The following PELI1 variants were observed in gnomAD, a reference collection of about 807,000 sequenced individuals.
PELI1 encodes the protein pellino E3 ubiquitin protein ligase 1.
PELI1 carries 15 observed loss-of-function variants against 41.3 expected under a neutral mutation model. The observed-to-expected ratio is 0.36, with a 90% CI of 0.24 to 0.56. The LOEUF (loss-of-function observed/expected upper bound fraction) is 0.56, where lower values mean the gene tolerates loss of function less well. PELI1 is among the 20% of genes least tolerant of loss of function. The pLI is 0.82. For missense variants in PELI1, 403 were observed against 525.5 expected, an observed-to-expected ratio of 0.77 and a Z score of 2.28; for synonymous variants, 178 against 180.1, an observed-to-expected ratio of 0.99 and a Z score of 0.09.
At chr2:64,096,066 G>C (rs940995326) in intron 6 of PELI1, 59 bp downstream of exon 6, 2 of 1,182,198 alleles carry the variant, frequency 1.7e-6, no homozygotes, top group African/African-American at 3.0e-5. Context: ...AATGCATTCA[G>C]TTCTACTCAT....
At position 64,096,503 on chromosome 2, in the gene PELI1, A is replaced by T. The variant is rs1576067126; in HGVS notation, c.411T>A (p.Phe137Leu). 6.2e-7 allele frequency: 1 copy of T among 1,612,224 alleles called. No homozygotes were observed. Among genetic ancestry groups the T allele is most frequent in the Non-Finnish European group, 8.5e-7 (1 of 1,178,214 alleles). Residue 137 changes from phenylalanine to leucine, a missense_variant, in exon 5 of 7, where the codon TTT (phenylalanine) becomes TTA (leucine). Transcript: ENST00000358912. The part of the protein sequence containing the change: ...TQSVQSTISR[F>L]ACRIICERNP... ...TCCGTTCACATATGATTCTGCAGGCAAATCTTGATATAGTGCTTTGTACTG... is the reference window on the plus strand; with the variant it reads ...TCCGTTCACATATGATTCTGCAGGCTAATCTTGATATAGTGCTTTGTACTG...
chr2:64,110,169 C>T (rs7579814), intron 1 of PELI1, among the ~76,000 whole-genome samples: 2,294 of 146,704 alleles, frequency 0.016, 56 homozygotes, highest in African/African-American at 0.055. Flanking sequence ...CGCTTGAACC[C>T]GGGAGGCAGA....
chr2:64,093,591 C>G lies in PELI1; in HGVS notation c.*1111G>C, dbSNP rs1308400141. The G allele has an allele frequency of 6.6e-6, 1 of 152,656 alleles. No individual in the cohort carries two copies. Among genetic ancestry groups the G allele is most frequent in the Non-Finnish European group, 1.5e-5 (1 of 68,050 alleles). The allele number at this position is 152,656 out of a possible 1,614,324, so 9.5% of individuals were successfully genotyped here. On this transcript the variant is annotated 3_prime_UTR_variant, in exon 7 of 7. Coordinates refer to ENST00000358912, the MANE Select transcript of PELI1 (RefSeq NM_020651.4). ...CTGCCAACCAAACATTTCCTTAAGT[C>G]TCACTGTGGCAATCTCCTTAGGATT... is the stretch of plus-strand genomic sequence containing the variant.
At chr2:64,109,829 T>C (rs935918226) in intron 1 of PELI1, among the ~76,000 whole-genome samples, 2 of 151,294 alleles carry the variant, frequency 1.3e-5, no homozygotes, top group African/African-American at 4.9e-5. Context: ...AGAGAGAAAA[T>C]AGGAAAAACA....
At chr2:64,107,023 G>C (rs1680644638) in intron 2 of PELI1, among the ~76,000 whole-genome samples, 1 of 152,136 alleles carries the variant, frequency 6.6e-6, no homozygotes. Context: ...CCTCCTCCTG[G>C]GTTCAAGTGA....
intron 1 of PELI1, 23 bp from the exon 2 acceptor site, chr2:64,108,402 A>C: frequency 1.3e-6 from 1 of 765,912 alleles, no homozygotes; most frequent in Non-Finnish European, 2.3e-6. Flanking sequence ...AGTTTTCATT[A>C]ATAATGTGAA....
intron 1 of PELI1, among the ~76,000 whole-genome samples, chr2:64,119,019 C>A (rs1172068170): frequency 1.3e-5 from 2 of 150,532 alleles, no homozygotes; most frequent in East Asian, 3.9e-4. Context: ...AGCTTGATTG[C>A]AAAAATATTA....
At position 64,096,240 on chromosome 2, in the gene PELI1, T is replaced by A. The variant is rs781241129; in HGVS notation, c.575A>T (p.His192Leu). ...GTCTTCTGTGAACCCATTGCGTGGA[T>A]GCATCACAAGAACACCATTAGTGGT... Reference protein sequence around the residue: ...GLTTNGVLVMHPRNGFTEDSK... With the variant: ...GLTTNGVLVMLPRNGFTEDSK... Residue 192 changes from histidine to leucine, a missense_variant, in exon 6 of 7, where the codon CAT becomes CTT. By Grantham distance (99) the His-to-Leu change is moderately conservative. Transcript: ENST00000358912. 2 of 1,613,618 alleles carry A rather than the reference T, an allele frequency of 1.2e-6. No individual in the cohort carries two copies. Among genetic ancestry groups the A allele is most frequent in the Non-Finnish European group, 1.7e-6 (2 of 1,179,610 alleles).
chr2:64,141,494 C>A (rs1681913495), intron 1 of PELI1, among the ~76,000 whole-genome samples: 1 of 152,100 alleles, frequency 6.6e-6, no homozygotes, highest in Non-Finnish European at 1.5e-5. Context: ...TATTAGTTTT[C>A]AATTCTAAGT....
At position 64,092,792 on chromosome 2, in the gene PELI1, C is replaced by G. The variant is rs1011241806; in HGVS notation, c.*1910G>C. The G allele has an allele frequency of 7.7e-6, 1 of 130,328 alleles. No homozygotes were observed. The highest frequency in any genetic ancestry group is 1.6e-5 in the Non-Finnish European group (1 of 62,268). The allele number at this position is 130,328 out of a possible 1,614,324, so 8.1% of individuals were successfully genotyped here. On this transcript the variant is annotated 3_prime_UTR_variant, in exon 7 of 7. Coordinates refer to ENST00000358912, the MANE Select transcript of PELI1 (RefSeq NM_020651.4). ...TTGGAGTGTGGAATAGAGTTGTTCACAGTTTTCACTTCTGGTTTCTCATTC... is the reference window on the plus strand; with the variant it reads ...TTGGAGTGTGGAATAGAGTTGTTCAGAGTTTTCACTTCTGGTTTCTCATTC...
intron 1 of PELI1, among the ~76,000 whole-genome samples, chr2:64,138,740 C>CTG (rs1681801196): frequency 6.6e-6 from 1 of 151,978 alleles, no homozygotes; most frequent in Non-Finnish European, 1.5e-5. Flanking sequence ...AAACAAAAAA[C>CTG]AAGAAACAAA....
At chr2:64,123,105 C>T (rs989801538) in intron 1 of PELI1, among the ~76,000 whole-genome samples, 1 of 152,182 alleles carries the variant, frequency 6.6e-6, no homozygotes, top group African/African-American at 2.4e-5. Context: ...TAACTCCTAC[C>T]TTGTACTGTG....
At chr2:64,105,873 G>A (rs1680602095) in intron 2 of PELI1, among the ~76,000 whole-genome samples, 1 of 152,004 alleles carries the variant, frequency 6.6e-6, no homozygotes, top group South Asian at 2.1e-4. Context: ...GGGAAAGGAA[G>A]CAGGGAACAG....
rs1356001120 is a variant in PELI1 at position 64,144,088 on chromosome 2, T to C, written c.-77A>G. 1.3e-5 allele frequency: 2 copies of C among 151,216 alleles called. No individual in the cohort carries two copies. The highest frequency in any genetic ancestry group is 2.1e-4 in the South Asian group (1 of 4,798). 9.4% of individuals were successfully genotyped at this position (151,216 alleles called of 1,614,324 possible). On this transcript the variant is annotated 5_prime_UTR_variant, in exon 1 of 7. Transcript: ENST00000358912. ...CCCCGCGGTCACACTTACCGGACAA[T>C]TGCTGGTGGCCGGGATCCCAGAGCG...
Position 64,144,243 on chromosome 2 carries a change from A to G in PELI1, c.-232T>C, listed in dbSNP as rs1682032120. 6.6e-6 allele frequency: 1 copy of G among 152,142 alleles called. No individual in the cohort carries two copies. Among genetic ancestry groups the G allele is most frequent in the Non-Finnish European group, 1.5e-5 (1 of 68,046 alleles). The allele number at this position is 152,142 out of a possible 1,614,324, so 9.4% of individuals were successfully genotyped here. A position where few individuals can be genotyped will look rare whatever the true frequency, so the allele number is the denominator to read the frequency against. The stretch of plus-strand genomic sequence containing the variant: ...CGAGGGGAAGTTGACCACGGAGCCG[A>G]GCGCTGAGGAGCCGCGGACGCAGGG... On this transcript the variant is annotated 5_prime_UTR_variant, in exon 1 of 7. Coordinates refer to ENST00000358912, the MANE Select transcript of PELI1 (RefSeq NM_020651.4).
At chr2:64,115,534 A>G (rs917126349) in intron 1 of PELI1, among the ~76,000 whole-genome samples, 1 of 152,222 alleles carries the variant, frequency 6.6e-6, no homozygotes, top group Admixed American at 6.5e-5. Flanking sequence ...GGAACTGAGT[A>G]GGTCAGAAAA....
At chr2:64,112,328 G>T (rs151006505) in intron 1 of PELI1, among the ~76,000 whole-genome samples, 3 of 152,254 alleles carry the variant, frequency 2.0e-5, no homozygotes, top group African/African-American at 7.2e-5. Flanking sequence ...AAGGGAATTT[G>T]GGAGCTGGAA....
At chr2:64,143,358 G>A (rs779818322) in intron 1 of PELI1, 16 of 152,212 alleles carry the variant, frequency 1.1e-4, no homozygotes, top group Non-Finnish European at 2.1e-4. Context: ...TAAGTAAAAT[G>A]AGCATCTTTA....
intron 1 of PELI1, among the ~76,000 whole-genome samples, chr2:64,140,421 CA>C (rs1052526461): frequency 3.9e-5 from 6 of 151,906 alleles, no homozygotes; most frequent in Non-Finnish European, 5.9e-5. Flanking sequence ...GTTTATGTGG[CA>C]AAAAGAATCT....
Sources: gnomAD v4.1 joint callset for allele counts (sites outside exome capture counted in the v4.1 genomes callset) on GRCh38, gnomAD v4.1.1 for gene constraint, MANE v1.5 for transcripts, NCBI Gene and HGNC (gene_info 2026-07-23, HGNC 2026-07-21) for gene names.